The following STPG4 variants were observed in gnomAD, a reference collection of about 807,000 sequenced individuals.
The protein encoded by STPG4 is sperm-tail PG-rich repeat containing 4, also known as protein STPG4.
A neutral mutation model predicts 31.5 loss-of-function variants in STPG4; 41 were observed. The observed-to-expected ratio is 1.30, with a 90% CI of 1.01 to 1.69. The LOEUF (loss-of-function observed/expected upper bound fraction) is 1.69. Among genes scored for constraint, STPG4 ranks in the 40% most tolerant of loss-of-function variants. The pLI, the probability that STPG4 is intolerant of heterozygous loss-of-function variation, is 0.00. For synonymous variants in STPG4, 141 were observed against 103.0 expected, an observed-to-expected ratio of 1.37 and a Z score of -2.24; for missense variants, 375 against 293.4, an observed-to-expected ratio of 1.28 and a Z score of -2.03.
intron 5 of STPG4, among the ~76,000 whole-genome samples, chr2:47,103,978 C>T (rs1319004768): frequency 6.6e-6 from 1 of 151,988 alleles, no homozygotes; most frequent in African/African-American, 2.4e-5. Context: ...TTTCTCCCAC[C>T]TCCTCAGTTG....
chr2:47,093,365 T>C (rs577344009), intron 5 of STPG4, among the ~76,000 whole-genome samples: 18 of 152,288 alleles, frequency 1.2e-4, no homozygotes, highest in Non-Finnish European at 2.4e-4. Context: ...TGTACTCACA[T>C]TGAAGAAATC....
chr2:47,099,450 C>A (rs1316540145), intron 5 of STPG4, among the ~76,000 whole-genome samples: 1 of 152,268 alleles, frequency 6.6e-6, no homozygotes, highest in Non-Finnish European at 1.5e-5. Context: ...CTCCCAGATG[C>A]TTTGCTAACA....
intron 5 of STPG4, among the ~76,000 whole-genome samples, chr2:47,111,845 AC>A (rs1348670794): frequency 2.0e-5 from 3 of 152,186 alleles, no homozygotes; most frequent in African/African-American, 7.2e-5. Context: ...TAAGTATACA[AC>A]TTTACATTGG....
chr2:47,115,291 G>A (rs1686122794), intron 5 of STPG4, among the ~76,000 whole-genome samples: 1 of 151,962 alleles, frequency 6.6e-6, no homozygotes, highest in Non-Finnish European at 1.5e-5. Context: ...TGGTCAACCT[G>A]GGACATTTCC....
intron 6 of STPG4, among the ~76,000 whole-genome samples, chr2:47,088,239 C>G (rs1306864367): frequency 6.6e-6 from 1 of 152,160 alleles, no homozygotes; most frequent in Non-Finnish European, 1.5e-5. Context: ...ACCACCACAC[C>G]TGGCCCTATT....
chr2:47,096,445 C>G (rs963351464), intron 5 of STPG4, among the ~76,000 whole-genome samples: 2 of 152,202 alleles, frequency 1.3e-5, no homozygotes, highest in Admixed American at 6.5e-5. Context: ...CTTGCTGGGA[C>G]AAATTCACTG....
intron 3 of STPG4, among the ~76,000 whole-genome samples, chr2:47,147,627 A>T (rs970005425): frequency 6.6e-6 from 1 of 152,146 alleles, no homozygotes; most frequent in Non-Finnish European, 1.5e-5. Flanking sequence ...TTGAAAGATC[A>T]TCTATGTGTG....
At chr2:47,120,715 T>A (rs1044447715) in intron 5 of STPG4, among the ~76,000 whole-genome samples, 1 of 152,182 alleles carries the variant, frequency 6.6e-6, no homozygotes, top group Admixed American at 6.5e-5. Flanking sequence ...ATTTTAGTGT[T>A]CTTGGCTATT....
intron 2 of STPG4, among the ~76,000 whole-genome samples, chr2:47,152,282 G>A (rs190168596): frequency 6.6e-6 from 1 of 152,330 alleles, no homozygotes; most frequent in Admixed American, 6.5e-5. Context: ...AGAGCATATG[G>A]CCTAGTTAGT....
At chr2:47,151,926 T>C (rs926633218) in intron 2 of STPG4, among the ~76,000 whole-genome samples, 3 of 151,592 alleles carry the variant, frequency 2.0e-5, no homozygotes, top group Non-Finnish European at 4.4e-5. Flanking sequence ...TTTGTTTTTT[T>C]TTTTTTTTTT....
chr2:47,124,986 C>G (rs1252101203), intron 5 of STPG4, among the ~76,000 whole-genome samples: 3 of 152,158 alleles, frequency 2.0e-5, no homozygotes, highest in African/African-American at 7.2e-5. Flanking sequence ...AATGATATCT[C>G]ATTGTAGTTT....
chr2:47,115,105 G>A (rs1225722065), intron 5 of STPG4, among the ~76,000 whole-genome samples: 1 of 152,070 alleles, frequency 6.6e-6, no homozygotes, highest in Non-Finnish European at 1.5e-5. Context: ...TTTACCTGGA[G>A]TCAATTAGTG....
intron 5 of STPG4, among the ~76,000 whole-genome samples, chr2:47,111,486 A>G (rs935355471): frequency 3.3e-5 from 5 of 152,166 alleles, no homozygotes; most frequent in Admixed American, 1.3e-4. Context: ...AGAAACTACA[A>G]ATGAAAGTTT....
At chr2:47,105,499 G>T (rs1209733749) in intron 5 of STPG4, among the ~76,000 whole-genome samples, 1 of 152,026 alleles carries the variant, frequency 6.6e-6, no homozygotes, top group Non-Finnish European at 1.5e-5. Context: ...CCTCAACCCT[G>T]CCACTTTTCT....
chr2:47,129,911 T>A, intron 5 of STPG4, 30 bp downstream of exon 5: 1 of 1,603,062 alleles, frequency 6.2e-7, no homozygotes, highest in Non-Finnish European at 8.5e-7. Context: ...ATCAAATTCA[T>A]CATGAGTTAA....
In STPG4 at chr2:47,087,099, A is replaced by T; in HGVS notation, c.656T>A (p.Leu219Ter). 6.4e-7 allele frequency: 1 copy of T among 1,551,804 alleles called. No individual in the cohort carries two copies. The highest frequency in any genetic ancestry group is 8.7e-7 in the Non-Finnish European group (1 of 1,147,008). ...KTPGPGAYTT[L>*]RQFPKQSPTI... Reference sequence around the variant, plus strand: ...CGGAGACTGCTTAGGGAATTGTCTTAAAGTTGTATATGCTCCTGGGCCTGG... The same window carrying T: ...CGGAGACTGCTTAGGGAATTGTCTTTAAGTTGTATATGCTCCTGGGCCTGG... Residue 219 changes from leucine (L) to a stop codon, truncating the protein, a stop_gained, in exon 7 of 7, where the codon TTA becomes TAA. Coordinates refer to ENST00000445927, the MANE Select transcript of STPG4 (RefSeq NM_001163561.2). LOFTEE classifies it high-confidence loss of function.
intron 5 of STPG4, among the ~76,000 whole-genome samples, chr2:47,113,614 C>T (rs1168222702): frequency 2.6e-5 from 4 of 152,094 alleles, no homozygotes; most frequent in South Asian, 2.1e-4. Context: ...TTAAAAATAA[C>T]GATAAACAAG....
intron 3 of STPG4, among the ~76,000 whole-genome samples, chr2:47,133,570 CTTTTTTTTTT>C (rs10682288): frequency 4.5e-5 from 3 of 67,142 alleles, no homozygotes; most frequent in African/African-American, 6.3e-5. Context: ...GCACTCAAAT[CTTTTTTTTTT>C]TTTTTTTTTT....
At chr2:47,109,828 C>G (rs1284281946) in intron 5 of STPG4, among the ~76,000 whole-genome samples, 1 of 152,144 alleles carries the variant, frequency 6.6e-6, no homozygotes, top group African/African-American at 2.4e-5. Context: ...AATGCTAAAA[C>G]AGTTGGAATG....
Sources: gnomAD v4.1 joint callset for allele counts (sites outside exome capture counted in the v4.1 genomes callset) on GRCh38, gnomAD v4.1.1 for gene constraint, MANE v1.5 for transcripts, NCBI Gene and HGNC (gene_info 2026-07-23, HGNC 2026-07-21) for gene names.